Variants in DENND1B observed in about 807,000 individuals in gnomAD.
DENND1B encodes DENN domain-containing protein 1B.
Under a neutral mutation model 90.1 loss-of-function variants are expected in DENND1B, and 59 were observed. The ratio of observed to expected loss-of-function variants is 0.65; its 90% confidence interval spans 0.53 to 0.81. The LOEUF is 0.81. Among genes scored for constraint, DENND1B ranks in the 40% least tolerant of loss-of-function variants. DENND1B has a pLI of 0.00. For synonymous variants in DENND1B, 337 were observed against 324.6 expected (o/e 1.04, Z -0.41); for missense variants, 862 against 912.6 (o/e 0.94, Z 0.71).
chr1:197,554,882 G>C (rs1023249766), intron 15 of DENND1B, among the ~76,000 whole-genome samples: 2 of 146,592 alleles, frequency 1.4e-5, no homozygotes, highest in Non-Finnish European at 3.0e-5. Context: ...ATTAACAGCA[G>C]TAAGTCACAC....
At chr1:197,568,563 C>CA (rs1164473416) in intron 15 of DENND1B, among the ~76,000 whole-genome samples, 1 of 152,056 alleles carries the variant, frequency 6.6e-6, no homozygotes, top group Non-Finnish European at 1.5e-5. Flanking sequence ...ATAAAAGGAG[C>CA]AAAGCTGGAG....
rs182256141 is a variant in DENND1B at position 197,670,411 on chromosome 1, G to A, written c.296+1626C>T. Among the ~76,000 whole-genome samples, 9 of 138,566 alleles carry A rather than the reference G, an allele frequency of 6.5e-5. No individual in the cohort carries two copies. In the East Asian group the frequency reaches 1.6e-3, roughly 24 times the overall value. 90.9% of individuals were successfully genotyped at this position (138,566 alleles called of 152,430 possible). On this transcript the variant is annotated intron_variant, in intron 5 of 22. Transcript: ENST00000620048. ...AAATGATGTTTACTCTCAAATGGGT[G>A]CACAAAAACAACAATAAAGGTGGGG... is the stretch of plus-strand genomic sequence containing the variant.
chr1:197,781,190 G>T, the DENND1B span, among the ~76,000 whole-genome samples: 1 of 151,934 alleles, frequency 6.6e-6, no homozygotes, highest in African/African-American at 2.4e-5. Context: ...AAATTAACTC[G>T]ACTAGACTCA....
At chr1:197,540,824 T>C (rs1187286880) in intron 19 of DENND1B, 135 bp downstream of exon 19, 2 of 756,270 alleles carry the variant, frequency 2.6e-6, no homozygotes, top group South Asian at 2.0e-5. Flanking sequence ...GGGCTTGTTA[T>C]AAAAAATACA....
At chr1:197,729,817 T>C (rs1661990927) in intron 2 of DENND1B, among the ~76,000 whole-genome samples, 1 of 152,186 alleles carries the variant, frequency 6.6e-6, no homozygotes, top group African/African-American at 2.4e-5. Flanking sequence ...ATGACATTTA[T>C]GTATTAAAAA....
chr1:197,512,547 C>T (rs1281644229), intron 21 of DENND1B, among the ~76,000 whole-genome samples: 1 of 151,586 alleles, frequency 6.6e-6, no homozygotes, highest in African/African-American at 2.4e-5. Context: ...CTATTATCAC[C>T]ATTCCTGATA....
At chr1:197,727,978 G>GAA (rs919828292) in intron 2 of DENND1B, among the ~76,000 whole-genome samples, 1 of 144,304 alleles carries the variant, frequency 6.9e-6, no homozygotes, top group East Asian at 2.0e-4. Flanking sequence ...GAAGAGCTGT[G>GAA]AAAAAAAAAA....
intron 20 of DENND1B, among the ~76,000 whole-genome samples, chr1:197,522,551 T>C (rs575923401): frequency 3.0e-4 from 46 of 152,238 alleles, no homozygotes; most frequent in Admixed American, 2.7e-3. Context: ...TGTTTAATTT[T>C]AAGTACATTC....
chr1:197,625,786 C>T (rs1488453416), intron 10 of DENND1B, among the ~76,000 whole-genome samples: 2 of 152,000 alleles, frequency 1.3e-5, no homozygotes, highest in Admixed American at 6.6e-5. Context: ...CATGCAGAGA[C>T]ACACATAGGA....
chr1:197,721,585 A>C (rs1345526902), intron 2 of DENND1B, among the ~76,000 whole-genome samples: 1 of 152,166 alleles, frequency 6.6e-6, no homozygotes, highest in African/African-American at 2.4e-5. Flanking sequence ...TGGGCAGGGG[A>C]GAACATTCTA....
At chr1:197,675,752 T>C (rs1205774503) in intron 3 of DENND1B, among the ~76,000 whole-genome samples, 1 of 152,054 alleles carries the variant, frequency 6.6e-6, no homozygotes, top group East Asian at 1.9e-4. Context: ...TATTCAGACC[T>C]CCTCCTATAA....
chr1:197,551,170 T>C (rs536158658), intron 16 of DENND1B, among the ~76,000 whole-genome samples: 1 of 151,960 alleles, frequency 6.6e-6, no homozygotes, highest in Non-Finnish European at 1.5e-5. Context: ...ATTTTTATTG[T>C]ATAAGTCATC....
chr1:197,652,069 A>G (rs1438948697), intron 7 of DENND1B, among the ~76,000 whole-genome samples, 166 bp downstream of exon 7: 3 of 152,202 alleles, frequency 2.0e-5, no homozygotes, highest in African/African-American at 7.2e-5. Context: ...TAGTTACAGC[A>G]TGTTAAAAAG....
intron 7 of DENND1B, among the ~76,000 whole-genome samples, chr1:197,648,891 A>G (rs901310117): frequency 1.3e-5 from 2 of 151,890 alleles, no homozygotes; most frequent in Admixed American, 1.3e-4. Context: ...TCTGCTGCTG[A>G]CTCCCAAATT....
At chr1:197,563,262 A>G (rs1672329501) in intron 15 of DENND1B, among the ~76,000 whole-genome samples, 1 of 152,032 alleles carries the variant, frequency 6.6e-6, no homozygotes, top group Admixed American at 6.6e-5. Context: ...ATTCATAGCT[A>G]GAGAGGAGAA....
chr1:197,554,578 G>A (rs758203580), intron 15 of DENND1B, among the ~76,000 whole-genome samples: 18 of 151,860 alleles, frequency 1.2e-4, no homozygotes, highest in Non-Finnish European at 2.1e-4. Context: ...GGTGGCTCAC[G>A]CCTGTAATAC....
At chr1:197,609,502 T>G (rs1278058654) in intron 12 of DENND1B, among the ~76,000 whole-genome samples, 1 of 150,604 alleles carries the variant, frequency 6.6e-6, no homozygotes, top group Non-Finnish European at 1.5e-5. Context: ...AAGTCTAGTT[T>G]TCAGGCAGAA....
At chr1:197,564,155 T>C (rs1672411074) in intron 15 of DENND1B, among the ~76,000 whole-genome samples, 1 of 151,844 alleles carries the variant, frequency 6.6e-6, no homozygotes, top group Non-Finnish European at 1.5e-5. Flanking sequence ...ACTTAGTTGA[T>C]TAAGCAGCAG....
chr1:197,583,375 C>G, intron 14 of DENND1B, 122 bp from the exon 15 acceptor site: 1 of 785,980 alleles, frequency 1.3e-6, no homozygotes, highest in Non-Finnish European at 2.1e-6. Flanking sequence ...ACAGACCCTT[C>G]CTTACACAGA....
Sources: gnomAD v4.1 joint callset for allele counts (sites outside exome capture counted in the v4.1 genomes callset) on GRCh38, gnomAD v4.1.1 for gene constraint, MANE v1.5 for transcripts, NCBI Gene and HGNC (gene_info 2026-07-23, HGNC 2026-07-21) for gene names.